The following ARID1B variants were observed in gnomAD, a reference collection of about 807,000 sequenced individuals.
ARID1B encodes AT-rich interaction domain 1B, also known as AT-rich interactive domain-containing protein 1B.
ARID1B carries 30 observed loss-of-function variants against 212.3 expected under a neutral mutation model. The ratio of observed to expected loss-of-function variants is 0.14; its 90% CI spans 0.11 to 0.19. ARID1B has a LOEUF of 0.19. Among genes scored for constraint, ARID1B ranks in the 10% least tolerant of loss-of-function variants. The pLI is 1.00. For missense variants in ARID1B, 2,891 were observed against 3,204.0 expected (o/e 0.90, Z 2.36); for synonymous variants, 1,402 against 1,301.7 (o/e 1.08, Z -1.66).
At chr6:156,996,786 T>G (rs1778615093) in intron 4 of ARID1B, among the ~76,000 whole-genome samples, 1 of 152,222 alleles carries the variant, frequency 6.6e-6, no homozygotes, top group African/African-American at 2.4e-5. Flanking sequence ...GGAATTGGAA[T>G]TGCAGTTTTA....
chr6:156,801,519 A>G lies in ARID1B; in HGVS notation c.1791+22048A>G, dbSNP rs74827642. Among the ~76,000 whole-genome samples the G allele has an allele frequency of 2.2e-3, 333 of 152,252 alleles. 12 individuals carry two copies. In the East Asian group the frequency reaches 0.057, roughly 26 times the overall value. On this transcript the variant is annotated intron_variant, in intron 1 of 19. Coordinates refer to ENST00000636930, the MANE Select transcript of ARID1B (RefSeq NM_001374828.1). Reference sequence around the variant, plus strand: ...CGGCCTCATCATTGTTTTTGAAACTATCTTTGATAGTACAAATGTATTGCA... The same window carrying G: ...CGGCCTCATCATTGTTTTTGAAACTGTCTTTGATAGTACAAATGTATTGCA...
At chr6:156,801,855 T>C (rs1780815488) in intron 1 of ARID1B, among the ~76,000 whole-genome samples, 1 of 152,232 alleles carries the variant, frequency 6.6e-6, no homozygotes, top group Non-Finnish European at 1.5e-5. Context: ...TGTTGCAGTT[T>C]GAACTTTAAC....
chr6:156,788,133 T>C (rs1562385955), intron 1 of ARID1B, among the ~76,000 whole-genome samples: 1 of 152,080 alleles, frequency 6.6e-6, no homozygotes, highest in Non-Finnish European at 1.5e-5. Flanking sequence ...GCTCAGCCCC[T>C]CCCAGCTCCA....
chr6:156,990,809 C>A (rs1186859601), intron 4 of ARID1B, among the ~76,000 whole-genome samples: 1 of 152,090 alleles, frequency 6.6e-6, no homozygotes, highest in Non-Finnish European at 1.5e-5. Flanking sequence ...GACATAGGAA[C>A]CTTTTAACCC....
intron 4 of ARID1B, chr6:157,022,767 G>A (rs1379712377): frequency 1.3e-5 from 2 of 148,910 alleles, no homozygotes; most frequent in African/African-American, 5.0e-5. Context: ...TAACTTATGT[G>A]TGTATTTTTA....
At chr6:157,178,635 GA>G (rs1404854745) in intron 11 of ARID1B, among the ~76,000 whole-genome samples, 1 of 152,144 alleles carries the variant, frequency 6.6e-6, no homozygotes, top group African/African-American at 2.4e-5. Flanking sequence ...TAAAAATTAT[GA>G]AAAAGAACTA....
At chr6:156,923,727 CAG>C (rs1487650911) in intron 3 of ARID1B, among the ~76,000 whole-genome samples, 2 of 144,824 alleles carry the variant, frequency 1.4e-5, no homozygotes, top group Non-Finnish European at 3.0e-5. Flanking sequence ...TTTTTAAAGA[CAG>C]AGTCTTGCCC....
intron 1 of ARID1B, among the ~76,000 whole-genome samples, chr6:156,807,918 G>A (rs1781289468): frequency 6.6e-6 from 1 of 152,196 alleles, no homozygotes; most frequent in South Asian, 2.1e-4. Flanking sequence ...GGAAGGATCA[G>A]GATAGGGTCT....
At chr6:157,081,740 G>A (rs1214426106) in intron 4 of ARID1B, among the ~76,000 whole-genome samples, 1 of 152,096 alleles carries the variant, frequency 6.6e-6, no homozygotes, top group Non-Finnish European at 1.5e-5. Flanking sequence ...AGGGAGAATG[G>A]GGATGAAACT....
At chr6:157,010,897 A>G (rs1248170787) in intron 4 of ARID1B, among the ~76,000 whole-genome samples, 1 of 152,232 alleles carries the variant, frequency 6.6e-6, no homozygotes, top group East Asian at 1.9e-4. Context: ...TAATAGAACT[A>G]TCATAGGGAA....
chr6:157,107,319 T>C (rs1786564698), intron 5 of ARID1B, among the ~76,000 whole-genome samples: 1 of 152,048 alleles, frequency 6.6e-6, no homozygotes, highest in Admixed American at 6.5e-5. Context: ...GTAATTCAAA[T>C]GAGGTCTTTA....
chr6:156,819,405 A>T (rs534327608), intron 1 of ARID1B, among the ~76,000 whole-genome samples: 1 of 152,346 alleles, frequency 6.6e-6, no homozygotes. Context: ...CTTACTCTCA[A>T]AATAAACAAT....
chr6:156,919,216 C>T (rs1790591173), intron 3 of ARID1B, among the ~76,000 whole-genome samples: 1 of 152,036 alleles, frequency 6.6e-6, no homozygotes, highest in Admixed American at 6.6e-5. Context: ...GAGAAAAATC[C>T]TCAGATTTTA....
chr6:156,786,238 C>A (rs1779619664), intron 1 of ARID1B, among the ~76,000 whole-genome samples: 1 of 151,920 alleles, frequency 6.6e-6, no homozygotes, highest in Non-Finnish European at 1.5e-5. Context: ...GGGCATCTCA[C>A]CCCTACCAAC....
intron 11 of ARID1B, chr6:157,175,935 T>C (rs1039522659): frequency 3.3e-5 from 5 of 151,362 alleles, no homozygotes; most frequent in Non-Finnish European, 5.9e-5. Context: ...TGTAAGGCGA[T>C]GTATTGACGA....
intron 4 of ARID1B, among the ~76,000 whole-genome samples, chr6:156,979,930 T>C (rs772227070): frequency 6.6e-6 from 1 of 152,158 alleles, no homozygotes; most frequent in Non-Finnish European, 1.5e-5. Flanking sequence ...TGGAGTGCAG[T>C]GGCGTGATCA....
chr6:156,801,811 C>T lies in ARID1B; in HGVS notation c.1791+22340C>T, dbSNP rs565894670. Among the ~76,000 whole-genome samples, 100 of 151,684 alleles carry T rather than the reference C, an allele frequency of 6.6e-4. 1 individual carries two copies. In the South Asian group the frequency reaches 0.017, roughly 26 times the overall value. On this transcript the variant is annotated intron_variant, in intron 1 of 19. Transcript: ENST00000636930. ...TTTAGTTAGTGTTTTTTTTCTTCCA[C>T]GATGTTTGAAGGAAAGTCCTTGATT...
intron 4 of ARID1B, chr6:157,023,276 G>A (rs1780444736): frequency 6.6e-6 from 1 of 152,240 alleles, no homozygotes; most frequent in African/African-American, 2.4e-5. Context: ...GTTACTATCT[G>A]TAGAGCAGGA....
At chr6:156,969,107 C>T (rs1489342925) in intron 4 of ARID1B, among the ~76,000 whole-genome samples, 1 of 152,200 alleles carries the variant, frequency 6.6e-6, no homozygotes, top group Non-Finnish European at 1.5e-5. Flanking sequence ...ATATTTCTGG[C>T]AAATGCATTC....
Sources: allele counts gnomAD v4.1 joint callset (sites outside exome capture counted in the v4.1 genomes callset), GRCh38; gene constraint gnomAD v4.1.1; transcripts MANE v1.5; gene names NCBI Gene and HGNC (gene_info 2026-07-23, HGNC 2026-07-21).